The following CCDC91 variants were observed in gnomAD, a reference collection of about 807,000 sequenced individuals.
CCDC91 encodes the protein coiled-coil domain containing 91, also known as coiled-coil domain-containing protein 91.
Under a neutral mutation model 63.2 loss-of-function variants are expected in CCDC91, and 48 were observed. The observed-to-expected ratio is 0.76, with a 90% CI of 0.60 to 0.97. The LOEUF is 0.97. CCDC91 is among the 50% of genes least tolerant of loss of function. The pLI is 0.00. For synonymous variants in CCDC91, 167 were observed against 165.8 expected (o/e 1.01, Z -0.06); for missense variants, 500 against 494.6 (o/e 1.01, Z -0.10).
chr12:28,510,224 G>A (rs1001347898), intron 12 of CCDC91, among the ~76,000 whole-genome samples: 3 of 106,462 alleles, frequency 2.8e-5, no homozygotes, highest in African/African-American at 9.0e-5. Flanking sequence ...CAGAGAGACA[G>A]AGTCAATAGG....
intron 11 of CCDC91, among the ~76,000 whole-genome samples, chr12:28,477,864 T>C (rs921532035): frequency 6.6e-6 from 1 of 152,098 alleles, no homozygotes; most frequent in Non-Finnish European, 1.5e-5. Context: ...CCATTCACAA[T>C]TGCTTCAAAG....
chr12:28,424,301 G>T (rs747442907), intron 8 of CCDC91, among the ~76,000 whole-genome samples: 3 of 151,992 alleles, frequency 2.0e-5, no homozygotes, highest in Admixed American at 6.6e-5. Context: ...AGAATCCATT[G>T]TATGAATCCA....
intron 12 of CCDC91, among the ~76,000 whole-genome samples, chr12:28,545,999 C>A (rs951217565): frequency 1.3e-5 from 2 of 151,840 alleles, no homozygotes; most frequent in African/African-American, 2.4e-5. Context: ...TTGTTCTGGG[C>A]GATTTGTGAA....
intron 7 of CCDC91, among the ~76,000 whole-genome samples, chr12:28,374,797 C>T (rs1403162147): frequency 6.6e-6 from 1 of 151,440 alleles, no homozygotes; most frequent in Non-Finnish European, 1.5e-5. Context: ...GAGTATGTAA[C>T]TCTGTGTTCA....
intron 12 of CCDC91, among the ~76,000 whole-genome samples, chr12:28,525,355 G>A (rs1249025121): frequency 6.6e-6 from 1 of 151,966 alleles, no homozygotes; most frequent in Non-Finnish European, 1.5e-5. Context: ...TTCATTGTTA[G>A]CCCAATGATC....
At chr12:28,308,563 C>T (rs188911505) in intron 6 of CCDC91, among the ~76,000 whole-genome samples, 6 of 151,962 alleles carry the variant, frequency 3.9e-5, no homozygotes, top group Admixed American at 3.3e-4. Flanking sequence ...CCTTATGTCC[C>T]TTCTTCCTCT....
At chr12:28,211,237 A>G (rs1425641745) in intron 1 of CCDC91, among the ~76,000 whole-genome samples, 1 of 151,904 alleles carries the variant, frequency 6.6e-6, no homozygotes, top group Non-Finnish European at 1.5e-5. Flanking sequence ...CTGAGTGGTA[A>G]GAAATTCTTA....
intron 1 of CCDC91, among the ~76,000 whole-genome samples, chr12:28,217,891 C>T (rs371130756): frequency 5.9e-5 from 9 of 152,042 alleles, no homozygotes; most frequent in African/African-American, 1.7e-4. Context: ...TTTCACTATC[C>T]GTGGCAGCCT....
At chr12:28,390,037 G>A (rs956288993) in intron 7 of CCDC91, among the ~76,000 whole-genome samples, 1 of 152,068 alleles carries the variant, frequency 6.6e-6, no homozygotes, top group African/African-American at 2.4e-5. Context: ...ATAAAACTCA[G>A]AGCTTTATTT....
At chr12:28,472,589 TGTTA>T (rs1368300712) in intron 11 of CCDC91, among the ~76,000 whole-genome samples, 6 of 152,156 alleles carry the variant, frequency 3.9e-5, no homozygotes, top group South Asian at 2.1e-4. Context: ...CACAAATGTT[TGTTA>T]GTTGGTTGTT....
At chr12:28,316,556 C>CTTT (rs67889099) in intron 6 of CCDC91, among the ~76,000 whole-genome samples, 1 of 28,484 alleles carries the variant, frequency 3.5e-5, no homozygotes, top group Non-Finnish European at 6.5e-5. Flanking sequence ...CAACTCACAC[C>CTTT]TTTTTTTTTT....
chr12:28,326,570 T>G (rs1941028719), intron 6 of CCDC91, among the ~76,000 whole-genome samples: 2 of 110,904 alleles, frequency 1.8e-5, no homozygotes, highest in African/African-American at 7.3e-5. Flanking sequence ...CCCACAACAG[T>G]CCCCAGAGTG....
chr12:28,478,005 A>G (rs150015482), intron 11 of CCDC91, among the ~76,000 whole-genome samples: 4,823 of 152,316 alleles, frequency 0.032, 115 homozygotes, highest in Non-Finnish European at 0.044. Flanking sequence ...ATGGATAGGA[A>G]TAATCAATAT....
At chr12:28,244,870 C>CAA (rs142737936) in intron 1 of CCDC91, among the ~76,000 whole-genome samples, 53 of 129,456 alleles carry the variant, frequency 4.1e-4, no homozygotes, top group South Asian at 4.8e-4. Context: ...AACTCTGTCT[C>CAA]AAAAAAAAAA....
At chr12:28,453,353 A>G (rs1307404774) in intron 11 of CCDC91, among the ~76,000 whole-genome samples, 1 of 152,052 alleles carries the variant, frequency 6.6e-6, no homozygotes, top group Non-Finnish European at 1.5e-5. Context: ...AATAACATTC[A>G]TAGAAGTCTA....
intron 8 of CCDC91, among the ~76,000 whole-genome samples, chr12:28,429,609 G>C (rs1246754409): frequency 6.6e-6 from 1 of 152,054 alleles, no homozygotes; most frequent in Non-Finnish European, 1.5e-5. Context: ...CAAAAGAATT[G>C]ACATTTAAAA....
chr12:28,200,983 C>T (rs1233596773), intron 1 of CCDC91, among the ~76,000 whole-genome samples: 11 of 134,342 alleles, frequency 8.2e-5, no homozygotes, highest in Non-Finnish European at 1.6e-4. Context: ...CCGGACGGGG[C>T]GGCTGGCCGG....
chr12:28,195,130 A>ATTTTACAGAGTGCTGATTGGTCCG (rs760937815), intron 1 of CCDC91, among the ~76,000 whole-genome samples: 1 of 86,650 alleles, frequency 1.2e-5, no homozygotes, highest in East Asian at 2.1e-4. Context: ...TGATTGGTCC[A>ATTTTACAGAGTGCTGATTGGTCCG]TTTTACAGAG....
chr12:28,501,257 G>T (rs1937808908), intron 12 of CCDC91, among the ~76,000 whole-genome samples: 1 of 151,922 alleles, frequency 6.6e-6, no homozygotes, highest in Non-Finnish European at 1.5e-5. Flanking sequence ...AACAGGAGTG[G>T]TGAGAGAGGG....
Sources: allele counts gnomAD v4.1 joint callset (sites outside exome capture counted in the v4.1 genomes callset), GRCh38; gene constraint gnomAD v4.1.1; transcripts MANE v1.5; gene names NCBI Gene and HGNC (gene_info 2026-07-23, HGNC 2026-07-21).